The following ATP8A2 variants were observed in gnomAD, a reference collection of about 807,000 sequenced individuals.
ATP8A2 encodes phospholipid-transporting ATPase IB.
ATP8A2 carries 100 observed loss-of-function variants against 165.6 expected under a neutral mutation model. The ratio of observed to expected loss-of-function variants is 0.60; its 90% CI spans 0.51 to 0.71. ATP8A2 has a LOEUF of 0.71. Among genes scored for constraint, ATP8A2 ranks in the 30% least tolerant of loss-of-function variants. The pLI, the probability that ATP8A2 is intolerant of heterozygous loss-of-function variation, is 0.00. For synonymous variants in ATP8A2, 543 were observed against 548.8 expected (o/e 0.99, Z 0.15); for missense variants, 1,227 against 1,479.5 (o/e 0.83, Z 2.80).
intron 3 of ATP8A2, 33 bp from the exon 4 acceptor site, chr13:25,530,529 C>A: frequency 7.6e-7 from 1 of 1,313,968 alleles, no homozygotes; most frequent in Non-Finnish European, 1.1e-6. Context: ...TTTTAATGTG[C>A]CAACTTCCTA....
At chr13:25,599,095 T>C (rs1369906510) in intron 24 of ATP8A2, among the ~76,000 whole-genome samples, 1 of 152,096 alleles carries the variant, frequency 6.6e-6, no homozygotes, top group Non-Finnish European at 1.5e-5. Flanking sequence ...AGAAAAAATA[T>C]ATGTATCTAT....
At chr13:25,520,281 T>C (rs932969531) in intron 2 of ATP8A2, among the ~76,000 whole-genome samples, 3 of 152,342 alleles carry the variant, frequency 2.0e-5, no homozygotes, top group African/African-American at 4.8e-5. Context: ...TTTGTCTTTT[T>C]ATGCCTGGCT....
At chr13:25,732,438 T>C (rs2043672429) in intron 25 of ATP8A2, among the ~76,000 whole-genome samples, 1 of 152,242 alleles carries the variant, frequency 6.6e-6, no homozygotes, top group Non-Finnish European at 1.5e-5. Context: ...CTATGATTTG[T>C]TGTTGTTCTG....
chr13:25,882,740 T>C lies in ATP8A2; in HGVS notation c.3183+20332T>C, dbSNP rs306424. Among the ~76,000 whole-genome samples the C allele has an allele frequency of 4.6e-3, 703 of 152,294 alleles. 2 individuals carry two copies. The highest frequency in any genetic ancestry group is 0.016 in the African/African-American group (671 of 41,564). Reference sequence around the variant, plus strand: ...TTGTACTGTCATTTTTAGAAGCTCATTGAATATTATGAATTCTAAAGAGAT... The same window carrying C: ...TTGTACTGTCATTTTTAGAAGCTCACTGAATATTATGAATTCTAAAGAGAT... On this transcript the variant is annotated intron_variant, in intron 33 of 36. Transcript: ENST00000381655.
In ATP8A2 at chr13:26,022,940, G is replaced by T. The variant is rs1349994534; in HGVS notation, c.*2955G>T. On this transcript the variant is annotated 3_prime_UTR_variant, in exon 37 of 37. Coordinates refer to ENST00000381655, the MANE Select transcript of ATP8A2 (RefSeq NM_016529.6). ...CTTGGTCTACTGCTGTGTACAGACAGCCCAGTCCTGTGTTGAGTCTCTCTT... is the reference window on the plus strand; with the variant it reads ...CTTGGTCTACTGCTGTGTACAGACATCCCAGTCCTGTGTTGAGTCTCTCTT... 1.3e-5 allele frequency: 2 copies of T among 152,240 alleles called. No individual in the cohort carries two copies. Among genetic ancestry groups the T allele is most frequent in the African/African-American group, 4.8e-5 (2 of 41,440 alleles). The allele number at this position is 152,240 out of a possible 1,614,324, so 9.4% of individuals were successfully genotyped here. A position where few individuals can be genotyped will look rare whatever the true frequency, so the allele number is the denominator to read the frequency against.
intron 24 of ATP8A2, among the ~76,000 whole-genome samples, chr13:25,616,987 G>A (rs1426731964): frequency 6.6e-6 from 1 of 152,160 alleles, no homozygotes; most frequent in Admixed American, 6.6e-5. Flanking sequence ...GATTAAATAT[G>A]TAATTGGAAA....
chr13:25,386,324 C>G (rs2033043455), intron 1 of ATP8A2, among the ~76,000 whole-genome samples: 1 of 152,170 alleles, frequency 6.6e-6, no homozygotes, highest in Admixed American at 6.5e-5. Context: ...GATGATGGTG[C>G]TTCGTTAAAC....
intron 2 of ATP8A2, 22 bp downstream of exon 2, chr13:25,469,143 G>T: frequency 6.2e-7 from 1 of 1,611,726 alleles, no homozygotes; most frequent in East Asian, 2.2e-5. Context: ...CGGCCGGCTC[G>T]CGCGGAAGGC....
chr13:25,955,643 C>T (rs1210585658), intron 33 of ATP8A2, among the ~76,000 whole-genome samples: 1 of 152,166 alleles, frequency 6.6e-6, no homozygotes, highest in Admixed American at 6.5e-5. Flanking sequence ...AATAGCCTAC[C>T]ACCCAAAAAA....
At chr13:25,677,644 G>A (rs539766761) in intron 24 of ATP8A2, among the ~76,000 whole-genome samples, 1 of 152,192 alleles carries the variant, frequency 6.6e-6, no homozygotes, top group South Asian at 2.1e-4. Context: ...TTTGATCTTG[G>A]TGAAGGGTAA....
At chr13:25,415,759 C>A (rs1300948482) in intron 1 of ATP8A2, among the ~76,000 whole-genome samples, 1 of 152,170 alleles carries the variant, frequency 6.6e-6, no homozygotes, top group East Asian at 1.9e-4. Context: ...CAAATGTCAC[C>A]TCTTCAGAAA....
chr13:25,454,649 C>G (rs534802424), intron 1 of ATP8A2, among the ~76,000 whole-genome samples: 8 of 152,136 alleles, frequency 5.3e-5, no homozygotes, highest in Non-Finnish European at 1.2e-4. Flanking sequence ...TTTGGCCGGG[C>G]GCGGTGGCTC....
intron 12 of ATP8A2, among the ~76,000 whole-genome samples, chr13:25,554,632 C>T (rs1488006774): frequency 6.6e-6 from 1 of 151,840 alleles, no homozygotes; most frequent in Non-Finnish European, 1.5e-5. Flanking sequence ...GATCTTAGCT[C>T]ACTGCAACTT....
chr13:25,826,530 G>C (rs1483803093), intron 27 of ATP8A2, among the ~76,000 whole-genome samples: 9 of 152,150 alleles, frequency 5.9e-5, no homozygotes, highest in Admixed American at 5.9e-4. Flanking sequence ...ACGCAGTCTG[G>C]TGGAGTCAAG....
chr13:25,788,681 T>C (rs558019236), intron 27 of ATP8A2, among the ~76,000 whole-genome samples: 1 of 152,374 alleles, frequency 6.6e-6, no homozygotes, highest in East Asian at 1.9e-4. Context: ...GGCTGTTATA[T>C]ATTGCAACTA....
chr13:25,936,646 T>A (rs1297983692), intron 33 of ATP8A2, among the ~76,000 whole-genome samples: 2 of 152,220 alleles, frequency 1.3e-5, no homozygotes, highest in Non-Finnish European at 2.9e-5. Context: ...ATCCTCTGAT[T>A]AATTAATTCC....
chr13:25,643,338 T>C (rs1344995486), intron 24 of ATP8A2, among the ~76,000 whole-genome samples: 1 of 151,958 alleles, frequency 6.6e-6, no homozygotes, highest in Non-Finnish European at 1.5e-5. Flanking sequence ...GTTTTCATCC[T>C]TTCTTCTGTT....
At chr13:25,549,506 C>T (rs2038754887) in intron 10 of ATP8A2, among the ~76,000 whole-genome samples, 1 of 151,192 alleles carries the variant, frequency 6.6e-6, no homozygotes, top group Non-Finnish European at 1.5e-5. Flanking sequence ...GGAAGGAGAC[C>T]TGCAGGCTGA....
At chr13:25,519,741 G>A (rs2037600913) in intron 2 of ATP8A2, among the ~76,000 whole-genome samples, 1 of 152,124 alleles carries the variant, frequency 6.6e-6, no homozygotes. Flanking sequence ...AGTGATGCTG[G>A]CACATGCATT....
Sources: gnomAD v4.1 joint callset for allele counts (sites outside exome capture counted in the v4.1 genomes callset) on GRCh38, gnomAD v4.1.1 for gene constraint, MANE v1.5 for transcripts, NCBI Gene and HGNC (gene_info 2026-07-23, HGNC 2026-07-21) for gene names.